AOPEP: variants seen among roughly 807,000 people sequenced by gnomAD.
AOPEP encodes the protein aminopeptidase O.
A neutral mutation model predicts 98.1 loss-of-function variants in AOPEP; 77 were observed. The observed-to-expected ratio is 0.78, with a 90% CI of 0.65 to 0.95. The LOEUF is 0.95. AOPEP is among the 40% of genes least tolerant of loss of function. The pLI is 0.00. For missense variants in AOPEP, 1,024 were observed against 1,024.7 expected (o/e 1.00, Z 0.01); for synonymous variants, 346 against 365.3 (o/e 0.95, Z 0.60).
chr9:94,798,486 G>T (rs757466354), intron 4 of AOPEP, among the ~76,000 whole-genome samples: 3 of 152,170 alleles, frequency 2.0e-5, no homozygotes, highest in Non-Finnish European at 4.4e-5. Flanking sequence ...ACACTTTTGG[G>T]TGTATCTTTG....
chr9:94,931,770 G>C (rs907143926), intron 7 of AOPEP: 2 of 1,550,144 alleles, frequency 1.3e-6, no homozygotes. Flanking sequence ...TTGCCACACT[G>C]TTCAACATGT....
chr9:94,801,121 G>T (rs1487335236), intron 5 of AOPEP, 119 bp downstream of exon 5: 4 of 1,201,514 alleles, frequency 3.3e-6, no homozygotes, highest in Middle Eastern at 2.3e-4. Context: ...GGCTATGGTT[G>T]CTCATGCTTG....
the AOPEP span, chr9:95,127,019 G>A: frequency 4.6e-5 from 9 of 194,162 alleles, no homozygotes; most frequent in South Asian, 8.2e-4. Context: ...TCGGTAATGG[G>A]TACATAACAA....
Position 95,005,158 on chromosome 9 carries a change from C to G in AOPEP, c.1978C>G (p.Pro660Ala). ...TTGACTGTGTCCTCTTCCCCCGCAG[C>G]CGCTGCAGAGGGAGCGTCGCGCCGG... is the stretch of plus-strand genomic sequence containing the variant. ...DWLESSGIPK[P>A]LQRERRAGAE... The change falls in exon 12 of 17, where the codon CCG (proline) becomes GCG (alanine). Residue 660 changes from proline to alanine, a missense_variant and splice_region_variant. Around this residue, in one of 3 missense-constraint regions of AOPEP, gnomAD observed 566 missense variants for 551.7 expected, o/e 1.03. Coordinates refer to ENST00000375315, the MANE Select transcript of AOPEP (RefSeq NM_001193329.3). 2.6e-6 allele frequency: 3 copies of G among 1,149,456 alleles called. No individual in the cohort carries two copies. Among genetic ancestry groups the G allele is most frequent in the South Asian group, 6.7e-5 (2 of 29,872 alleles). 71.2% of individuals were successfully genotyped at this position (1,149,456 alleles called of 1,614,324 possible).
At chr9:95,101,822 T>G in the AOPEP span, 1 of 1,613,896 alleles carries the variant, frequency 6.2e-7, no homozygotes, top group Non-Finnish European at 8.5e-7. Context: ...GCCAATGATC[T>G]CGTGAGTTAT....
At chr9:94,960,139 C>T (rs1320835844) in intron 9 of AOPEP, among the ~76,000 whole-genome samples, 8 of 152,146 alleles carry the variant, frequency 5.3e-5, no homozygotes, top group East Asian at 1.9e-4. Flanking sequence ...TGGCCGGGCA[C>T]GGTGGCTCAC....
At chr9:95,081,372 C>G (rs1051052102) in intron 15 of AOPEP, among the ~76,000 whole-genome samples, 2 of 152,222 alleles carry the variant, frequency 1.3e-5, no homozygotes, top group Non-Finnish European at 2.9e-5. Context: ...TCCTGTAACA[C>G]GTCACAGCCT....
intron 3 of AOPEP, among the ~76,000 whole-genome samples, chr9:94,773,900 G>T (rs1841457171): frequency 6.6e-6 from 1 of 151,980 alleles, no homozygotes; most frequent in Non-Finnish European, 1.5e-5. Context: ...CAAGTAGGTG[G>T]AACTACAAGT....
At chr9:95,039,331 C>G (rs2065094381) in intron 13 of AOPEP, among the ~76,000 whole-genome samples, 1 of 151,940 alleles carries the variant, frequency 6.6e-6, no homozygotes, top group Admixed American at 6.6e-5. Context: ...CTTTGGGAGG[C>G]TGAGGCGGGC....
chr9:94,754,557 G>A (rs1836565561), intron 1 of AOPEP, among the ~76,000 whole-genome samples: 2 of 152,176 alleles, frequency 1.3e-5, no homozygotes, highest in Admixed American at 6.5e-5. Context: ...CAATAACTTA[G>A]CACTAGACTA....
chr9:94,900,884 C>T (rs1421405989), intron 5 of AOPEP: 3 of 152,202 alleles, frequency 2.0e-5, no homozygotes, highest in African/African-American at 7.2e-5. Context: ...GAAGACACAT[C>T]TGACTCACAA....
At chr9:95,015,711 T>C (rs1165051896) in intron 13 of AOPEP, among the ~76,000 whole-genome samples, 4 of 152,216 alleles carry the variant, frequency 2.6e-5, no homozygotes, top group Non-Finnish European at 5.9e-5. Context: ...TTTGGGTATT[T>C]TCATTGTCCA....
chr9:95,053,679 T>C (rs2066582480), intron 13 of AOPEP, among the ~76,000 whole-genome samples: 2 of 150,614 alleles, frequency 1.3e-5, no homozygotes, highest in East Asian at 2.0e-4. Context: ...TACACTGTTA[T>C]TAATTTAGGT....
At chr9:95,112,252 A>G in the AOPEP span, among the ~76,000 whole-genome samples, 310 of 152,358 alleles carry the variant, frequency 2.0e-3, no homozygotes, top group African/African-American at 7.2e-3. Flanking sequence ...TGCCGGTCTC[A>G]GCAGGTGAAC....
chr9:94,914,061 A>T (rs1286141425), intron 5 of AOPEP, among the ~76,000 whole-genome samples: 1 of 152,252 alleles, frequency 6.6e-6, no homozygotes, highest in Admixed American at 6.5e-5. Context: ...TAAACAAAAC[A>T]GCTTAAATCC....
chr9:94,850,146 A>C (rs569836791), intron 5 of AOPEP, among the ~76,000 whole-genome samples: 1 of 152,252 alleles, frequency 6.6e-6, no homozygotes, highest in Non-Finnish European at 1.5e-5. Flanking sequence ...CCTGGTTCTT[A>C]ACAGTCCCCA....
intron 6 of AOPEP, among the ~76,000 whole-genome samples, chr9:94,925,310 C>A (rs1369741837): frequency 6.6e-6 from 1 of 152,230 alleles, no homozygotes; most frequent in Non-Finnish European, 1.5e-5. Context: ...ATGTTTAGGT[C>A]ACTTTTTTCC....
chr9:95,113,508 A>T, the AOPEP span, among the ~76,000 whole-genome samples: 45 of 152,250 alleles, frequency 3.0e-4, no homozygotes, highest in African/African-American at 1.1e-3. Context: ...TTAAGAAATT[A>T]ACAAGCCAGG....
downstream of AOPEP, among the ~76,000 whole-genome samples, chr9:95,087,974 T>C (rs1167173038): frequency 6.6e-6 from 1 of 152,196 alleles, no homozygotes; most frequent in African/African-American, 2.4e-5. Context: ...AGCTCTGGAC[T>C]GGGAGGCCTT....
Sources: gnomAD v4.1 joint callset for allele counts (sites outside exome capture counted in the v4.1 genomes callset) on GRCh38, gnomAD v4.1.1 for gene constraint, gnomAD v4.1.1 regional missense constraint, MANE v1.5 for transcripts, NCBI Gene and HGNC (gene_info 2026-07-23, HGNC 2026-07-21) for gene names.